ARHGEF28: variants seen among roughly 807,000 people sequenced by gnomAD.
ARHGEF28 encodes the protein Rho guanine nucleotide exchange factor 28, also known as 190 kDa guanine nucleotide exchange factor.
In ARHGEF28, 152 loss-of-function variants were observed where a neutral mutation model predicts 206.6. That is an observed-to-expected ratio of 0.74 (90% confidence interval 0.64 to 0.84). The LOEUF is 0.84. Ranked by LOEUF, ARHGEF28 falls within the 40% of genes least tolerant of loss-of-function variation. ARHGEF28 has a pLI of 0.00. For synonymous variants in ARHGEF28, 763 were observed against 776.4 expected (o/e 0.98, Z 0.29); for missense variants, 2,028 against 2,073.2 (o/e 0.98, Z 0.42).
At chr5:73,780,603 T>C in intron 6 of ARHGEF28, 73 bp from the exon 7 acceptor site, 1 of 1,443,736 alleles carries the variant, frequency 6.9e-7, no homozygotes, top group Non-Finnish European at 9.4e-7. Flanking sequence ...GACTTTTGCC[T>C]CTTTGTTGTA....
intron 9 of ARHGEF28, among the ~76,000 whole-genome samples, chr5:73,813,109 T>C (rs973949377): frequency 6.6e-6 from 1 of 152,162 alleles, no homozygotes; most frequent in African/African-American, 2.4e-5. Context: ...TCAACCTTTA[T>C]CTAACACGGC....
rs1758362532 is a variant in ARHGEF28, at chr5:73,846,379, T to C, written c.1539T>C (p.Ser513=). ...GCTCCTCAAGAACTGGGATTCCTAG[T>C]GGGGATGAATTGGACTCTTTTGAGA... ...SQSSSRTGIP[S]GDELDSFETN... is the part of the protein sequence containing the mutation. Residue 513 remains serine (S), a synonymous_variant, in exon 12 of 36, where the codon AGT becomes AGC. Transcript: ENST00000513042. The C allele has an allele frequency of 6.2e-7, 1 of 1,613,940 alleles. No homozygotes were observed. Among genetic ancestry groups the C allele is most frequent in the Non-Finnish European group, 8.5e-7 (1 of 1,179,844 alleles).
intron 34 of ARHGEF28, among the ~76,000 whole-genome samples, chr5:73,910,295 C>T (rs1762816214): frequency 7.2e-6 from 1 of 139,494 alleles, no homozygotes; most frequent in Non-Finnish European, 1.5e-5. Context: ...GCAGGAGAAT[C>T]ACTTGAACCC....
chr5:73,653,944 A>T (rs1198772194), intron 1 of ARHGEF28, among the ~76,000 whole-genome samples: 1 of 152,230 alleles, frequency 6.6e-6, no homozygotes, highest in Non-Finnish European at 1.5e-5. Flanking sequence ...GTTTGCATAG[A>T]AAAGGTGTAT....
At chr5:73,743,778 C>T (rs188984585) in intron 2 of ARHGEF28, among the ~76,000 whole-genome samples, 12 of 152,216 alleles carry the variant, frequency 7.9e-5, no homozygotes, top group African/African-American at 1.4e-4. Flanking sequence ...ATACATTTTC[C>T]GGAGGATTAG....
At chr5:73,838,005 C>T (rs550843334) in intron 10 of ARHGEF28, among the ~76,000 whole-genome samples, 4 of 152,232 alleles carry the variant, frequency 2.6e-5, no homozygotes, top group African/African-American at 9.6e-5. Flanking sequence ...CTCCCAAGTA[C>T]TGGGATTACA....
intron 2 of ARHGEF28, among the ~76,000 whole-genome samples, chr5:73,691,138 C>T (rs923791180): frequency 2.0e-5 from 3 of 152,210 alleles, no homozygotes; most frequent in South Asian, 4.1e-4. Flanking sequence ...CCATGTTGCC[C>T]AGGCTGGTCT....
At chr5:73,841,712 G>GAAAAAAAAAAAAAAAAAGAGAAAAAAAAA (rs33935657) in intron 11 of ARHGEF28, among the ~76,000 whole-genome samples, 1 of 110,830 alleles carries the variant, frequency 9.0e-6, no homozygotes, top group Non-Finnish European at 1.8e-5. Flanking sequence ...TCAAAAAGAA[G>GAAAAAAAAAAAAAAAAAGAGAAAAAAAAA]AAAAAAAAAA....
chr5:73,902,315 T>C (rs527536299), intron 31 of ARHGEF28: 4 of 152,306 alleles, frequency 2.6e-5, no homozygotes, highest in Non-Finnish European at 5.9e-5. Context: ...TTTTCATCAC[T>C]TTTAAGTGTG....
intron 2 of ARHGEF28, among the ~76,000 whole-genome samples, chr5:73,727,523 A>G (rs1750348537): frequency 6.6e-6 from 1 of 152,186 alleles, no homozygotes; most frequent in Non-Finnish European, 1.5e-5. Context: ...TGGATAAGGA[A>G]GAGAGTCCAT....
rs1372252538 is a variant in ARHGEF28 at position 73,806,300 on chromosome 5, TAGTATATATAGTATATATATACTCTATAG to T, written c.1024+10920_1024+10948del. ...ATATACATAGATAGTATATATAGTA[TAGTATATATAGTATATATATACTCTATAG>T]AGTATATATATACTATGTAGATATA... On this transcript the variant is annotated intron_variant, in intron 9 of 35. Transcript: ENST00000513042. 1.6e-4 allele frequency among the ~76,000 whole-genome samples: 22 copies of T among 134,416 alleles called. 1 individual carries two copies. The highest frequency in any genetic ancestry group is 3.4e-4 in the Non-Finnish European group (22 of 64,552). 88.2% of individuals were successfully genotyped at this position (134,416 alleles called of 152,430 possible).
At chr5:73,848,785 C>T (rs1758525618) in intron 12 of ARHGEF28, among the ~76,000 whole-genome samples, 191 bp from the exon 13 acceptor site, 1 of 151,988 alleles carries the variant, frequency 6.6e-6, no homozygotes, top group Non-Finnish European at 1.5e-5. Flanking sequence ...CTGAAGGTTG[C>T]TGAAGTATTA....
At chr5:73,661,200 G>A (rs1397262645) in intron 1 of ARHGEF28, among the ~76,000 whole-genome samples, 4 of 152,224 alleles carry the variant, frequency 2.6e-5, no homozygotes, top group Non-Finnish European at 5.9e-5. Context: ...CTTGCACTTT[G>A]ATGTTCTGGA....
intron 1 of ARHGEF28, among the ~76,000 whole-genome samples, chr5:73,653,827 C>T (rs375797599): frequency 6.6e-6 from 1 of 152,194 alleles, no homozygotes; most frequent in East Asian, 1.9e-4. Flanking sequence ...CCTCTGTTCC[C>T]CCCCGTCATG....
chr5:73,828,556 T>A (rs1409826338), intron 9 of ARHGEF28, among the ~76,000 whole-genome samples: 1 of 133,624 alleles, frequency 7.5e-6, no homozygotes, highest in African/African-American at 2.8e-5. Flanking sequence ...GACAGGAAGA[T>A]GACATGGGCT....
In ARHGEF28 at chr5:73,909,600, G is replaced by C. The variant is rs917283699; in HGVS notation, c.4350G>C (p.Glu1450Asp). 3.2e-6 allele frequency: 5 copies of C among 1,555,662 alleles called. No homozygotes were observed. Among genetic ancestry groups the C allele is most frequent in the Admixed American group, 1.9e-5 (1 of 51,354 alleles). The change falls in exon 34 of 36, where the codon GAG (glutamate) becomes GAC (aspartate). Residue 1450 changes from glutamate (E) to aspartate (D), a missense_variant. Physicochemically the swap from Glu to Asp is conservative, Grantham distance 45. Transcript: ENST00000513042. ...VHQLQHQLQQ[E>D]QRRWLRRCEQ... Reference sequence around the variant, plus strand: ...AGCTTCAGCACCAGCTCCAGCAGGAGCAGCGGCGCTGGCTGCGCAGGTGTG... The same window carrying C: ...AGCTTCAGCACCAGCTCCAGCAGGACCAGCGGCGCTGGCTGCGCAGGTGTG...
intron 9 of ARHGEF28, among the ~76,000 whole-genome samples, chr5:73,821,789 G>A (rs955370965): frequency 2.0e-5 from 3 of 152,048 alleles, no homozygotes; most frequent in East Asian, 1.9e-4. Flanking sequence ...TAATCATGCC[G>A]AAGTCCACAC....
chr5:73,885,583 C>T (rs546411890), intron 24 of ARHGEF28, among the ~76,000 whole-genome samples: 11 of 151,154 alleles, frequency 7.3e-5, no homozygotes, highest in South Asian at 2.1e-4. Flanking sequence ...CTCAAACTCT[C>T]CTCCCACCTA....
At chr5:73,644,502 T>C (rs998013919) in intron 1 of ARHGEF28, among the ~76,000 whole-genome samples, 49 of 152,182 alleles carry the variant, frequency 3.2e-4, no homozygotes, top group Non-Finnish European at 4.6e-4. Context: ...CATGTCCGTT[T>C]TCCACTTTCA....
Sources: gnomAD v4.1 joint callset for allele counts (sites outside exome capture counted in the v4.1 genomes callset) on GRCh38, gnomAD v4.1.1 for gene constraint, MANE v1.5 for transcripts, NCBI Gene and HGNC (gene_info 2026-07-23, HGNC 2026-07-21) for gene names.